The following PPM1G variants were observed in gnomAD, a reference collection of about 807,000 sequenced individuals.
The protein encoded by PPM1G is protein phosphatase, Mg2+/Mn2+ dependent 1G, also known as protein phosphatase 1G.
A neutral mutation model predicts 59.4 loss-of-function variants in PPM1G; 12 were observed. The observed-to-expected ratio is 0.20, with a 90% CI of 0.13 to 0.33. The LOEUF is 0.33. PPM1G is among the 10% of genes least tolerant of loss of function. The probability of loss-of-function intolerance (pLI) is 1.00; values close to 1 mark genes in which losing one functional copy is unlikely to be tolerated. For synonymous variants in PPM1G, 245 were observed against 251.9 expected (o/e 0.97, Z 0.26); for missense variants, 392 against 681.3 (o/e 0.58, Z 4.73).
intron 1 of PPM1G, among the ~76,000 whole-genome samples, chr2:27,391,702 C>T (rs1376790287): frequency 6.6e-6 from 1 of 151,482 alleles, no homozygotes; most frequent in Non-Finnish European, 1.5e-5. Context: ...ATACCTCTGA[C>T]TGCCTGTTTC....
Position 27,381,552 on chromosome 2 carries a change from C to T in PPM1G, c.*47G>A, listed in dbSNP as rs1558315162. ...AAAAGACAAAACTCAGTCTCAGGTC[C>T]GGAGGGCTCAGAAAACAGTCTAGGT... On this transcript the variant is annotated 3_prime_UTR_variant, in exon 10 of 10. Transcript: ENST00000344034. 12 of 1,607,346 alleles carry T rather than the reference C, an allele frequency of 7.5e-6. No individual in the cohort carries two copies. Among genetic ancestry groups the T allele is most frequent in the East Asian group, 2.2e-5 (1 of 44,798 alleles).
rs1663459476 is a variant in PPM1G, at chr2:27,409,351, C to A, written c.72G>T (p.Pro24=). The A allele has an allele frequency of 6.5e-7, 1 of 1,542,634 alleles. No homozygotes were observed. Among genetic ancestry groups the A allele is most frequent in the Non-Finnish European group, 8.7e-7 (1 of 1,143,926 alleles). The part of the protein sequence containing the change: ...SGDGVGAPRL[P]LPYGFSAMQG... ...GCATGGCGGAGAAGCCGTAGGGCAG[C>A]GGCAGGCGCGGGGCGCCGACCCCGT... is the stretch of plus-strand genomic sequence containing the variant. Residue 24 remains proline (P), a synonymous_variant, in exon 1 of 10, where the codon CCG becomes CCT. Transcript: ENST00000344034.
rs1683779252 is a variant in PPM1G at position 27,386,971 on chromosome 2, A to C, written c.190+118T>G. On this transcript the variant is annotated intron_variant, in intron 2 of 9. Transcript: ENST00000344034. Reference sequence around the variant, plus strand: ...AGAATACAGAAAAACAGCACCACGCAGGAAATGATAATGAGGGCCAGACCC... The same window carrying C: ...AGAATACAGAAAAACAGCACCACGCCGGAAATGATAATGAGGGCCAGACCC... 1.9e-5 allele frequency: 14 copies of C among 743,838 alleles called. No individual in the cohort carries two copies. In the South Asian group the frequency reaches 2.3e-4, roughly 12 times the overall value. The allele number at this position is 743,838 out of a possible 1,614,324, so 46.1% of individuals were successfully genotyped here. A position where few individuals can be genotyped will look rare whatever the true frequency, so the allele number is the denominator to read the frequency against.
intron 1 of PPM1G, among the ~76,000 whole-genome samples, chr2:27,398,538 A>T (rs886681594): frequency 6.6e-6 from 1 of 152,178 alleles, no homozygotes; most frequent in African/African-American, 2.4e-5. Flanking sequence ...AGAAAGCAAA[A>T]AGAGGCTGAG....
chr2:27,404,719 C>T lies in PPM1G; in HGVS notation c.120+4584G>A, dbSNP rs150671631. On this transcript the variant is annotated intron_variant, in intron 1 of 9. Coordinates refer to ENST00000344034, the MANE Select transcript of PPM1G (RefSeq NM_177983.3). ...CAGCACTTTGGGAGGCCGAGGCGGG[C>T]GGATTAAGAGGTCAGGAGTTGGAGA... is the stretch of plus-strand genomic sequence containing the variant. Among the ~76,000 whole-genome samples, 625 of 151,626 alleles carry T rather than the reference C, an allele frequency of 4.1e-3. 6 individuals carry two copies. Among genetic ancestry groups the T allele is most frequent in the African/African-American group, 0.014 (595 of 41,354 alleles).
chr2:27,401,285 G>A (rs1558321584), intron 1 of PPM1G, among the ~76,000 whole-genome samples: 1 of 152,090 alleles, frequency 6.6e-6, no homozygotes, highest in Admixed American at 6.6e-5. Flanking sequence ...TCTTCCAGGG[G>A]CCAACAAGCT....
chr2:27,402,898 G>A (rs1684218885), intron 1 of PPM1G, among the ~76,000 whole-genome samples: 1 of 143,186 alleles, frequency 7.0e-6, no homozygotes, highest in South Asian at 2.2e-4. Flanking sequence ...AACACTGCAA[G>A]GCCCTATCTC....
intron 1 of PPM1G, among the ~76,000 whole-genome samples, chr2:27,403,073 A>G (rs1684223766): frequency 6.6e-6 from 1 of 152,092 alleles, no homozygotes; most frequent in African/African-American, 2.4e-5. Context: ...GAACCGGCAC[A>G]AGAAATCCCA....
intron 1 of PPM1G, among the ~76,000 whole-genome samples, chr2:27,402,183 C>T (rs1239335747): frequency 1.3e-5 from 2 of 152,048 alleles, no homozygotes; most frequent in Non-Finnish European, 2.9e-5. Context: ...GAAACAAAAA[C>T]AACTACACTG....
chr2:27,388,894 T>A (rs1382158342), intron 1 of PPM1G, among the ~76,000 whole-genome samples: 1 of 144,086 alleles, frequency 6.9e-6, no homozygotes, highest in East Asian at 2.0e-4. Context: ...AAAAAAAAAT[T>A]ATCTACATGT....
intron 1 of PPM1G, among the ~76,000 whole-genome samples, chr2:27,392,064 C>T (rs1277854468): frequency 6.6e-6 from 1 of 150,806 alleles, no homozygotes; most frequent in Admixed American, 6.6e-5. Context: ...TCAAACTTAA[C>T]ACATGTAATC....
intron 1 of PPM1G, among the ~76,000 whole-genome samples, chr2:27,389,747 T>G (rs1683852594): frequency 6.6e-6 from 1 of 152,086 alleles, no homozygotes; most frequent in Non-Finnish European, 1.5e-5. Context: ...GAGGACTGAT[T>G]GAGATCAGGA....
chr2:27,381,917 C>T, intron 9 of PPM1G, 112 bp from the exon 10 acceptor site: 1 of 1,140,564 alleles, frequency 8.8e-7, no homozygotes, highest in Non-Finnish European at 1.3e-6. Context: ...GAGGAATGGG[C>T]AAGAGGTATC....
chr2:27,400,905 G>C (rs1233914831), intron 1 of PPM1G, among the ~76,000 whole-genome samples: 1 of 152,176 alleles, frequency 6.6e-6, no homozygotes, highest in Non-Finnish European at 1.5e-5. Context: ...CATCCTGCTG[G>C]TATCCATCCA....
intron 2 of PPM1G, 88 bp from the exon 3 acceptor site, chr2:27,386,367 C>T: frequency 2.1e-6 from 2 of 966,880 alleles, no homozygotes; most frequent in Non-Finnish European, 1.7e-6. Context: ...CTGGAGTGAA[C>T]CCCAAGGGTT....
intron 1 of PPM1G, among the ~76,000 whole-genome samples, chr2:27,404,049 A>G (rs1311105024): frequency 6.6e-6 from 1 of 152,080 alleles, no homozygotes; most frequent in Non-Finnish European, 1.5e-5. Context: ...TTCTTTTTAT[A>G]TTTTTTCCAT....
At position 27,402,923 on chromosome 2, in the gene PPM1G, T is replaced by TAA. The variant is rs59358163; in HGVS notation, c.120+6378_120+6379dup. ...GGCCCTATCTCTACAAAAAAAAACTTAAAAAAAAAAAATTAGCCAGTCATG... is the reference window on the plus strand; with the variant it reads ...GGCCCTATCTCTACAAAAAAAAACTTAAAAAAAAAAAAAATTAGCCAGTCATG... On this transcript the variant is annotated intron_variant, in intron 1 of 9. Coordinates refer to ENST00000344034, the MANE Select transcript of PPM1G (RefSeq NM_177983.3). Among the ~76,000 whole-genome samples, 51 of 141,708 alleles carry TAA rather than the reference T, an allele frequency of 3.6e-4. 1 individual carries two copies. The highest frequency in any genetic ancestry group is 6.0e-4 in the Non-Finnish European group (39 of 64,500). 93.0% of individuals were successfully genotyped at this position (141,708 alleles called of 152,430 possible).
chr2:27,389,369 C>T (rs904931785), intron 1 of PPM1G, among the ~76,000 whole-genome samples: 1 of 152,100 alleles, frequency 6.6e-6, no homozygotes, highest in African/African-American at 2.4e-5. Context: ...TCGTCTTACA[C>T]CTTGAGGTCT....
intron 1 of PPM1G, among the ~76,000 whole-genome samples, chr2:27,398,815 C>T (rs531631665): frequency 4.8e-5 from 7 of 145,194 alleles, no homozygotes; most frequent in South Asian, 2.2e-4. Flanking sequence ...AGCGAGACTC[C>T]GTCTCAAAAA....
Sources: allele counts gnomAD v4.1 joint callset (sites outside exome capture counted in the v4.1 genomes callset), GRCh38; gene constraint gnomAD v4.1.1; transcripts MANE v1.5; gene names NCBI Gene and HGNC (gene_info 2026-07-23, HGNC 2026-07-21).